The following OPCML variants were observed in gnomAD, a reference collection of about 807,000 sequenced individuals.
OPCML encodes the protein opioid-binding protein/cell adhesion molecule.
Under a neutral mutation model 37.8 loss-of-function variants are expected in OPCML, and 13 were observed. That is an observed-to-expected ratio of 0.34 (90% CI 0.22 to 0.55). The LOEUF (loss-of-function observed/expected upper bound fraction) is 0.55, where lower values mean the gene tolerates loss of function less well. Among genes scored for constraint, OPCML ranks in the 20% least tolerant of loss-of-function variants. The pLI is 0.91. For missense variants in OPCML, 341 were observed against 435.6 expected, an observed-to-expected ratio of 0.78 and a Z score of 1.93; for synonymous variants, 176 against 168.8, an observed-to-expected ratio of 1.04 and a Z score of -0.33.
At chr11:132,436,308 C>T in intron 6 of OPCML, 71 bp from the exon 7 acceptor site, 1 of 1,609,794 alleles carries the variant, frequency 6.2e-7, no homozygotes, top group Non-Finnish European at 8.5e-7. Flanking sequence ...ACTCTTTTCT[C>T]CAACTAATCT....
At position 132,836,386 on chromosome 11, in the gene OPCML, G is replaced by A. The variant is rs557551485; in HGVS notation, c.146+106540C>T. 2.0e-5 allele frequency among the ~76,000 whole-genome samples: 3 copies of A among 152,304 alleles called. No individual in the cohort carries two copies. The South Asian group carries it at 6.2e-4, about 32-fold the overall frequency. ...CATGAGCCAGCTCTAGTAGCCCGGT[G>A]TGACTTCCGTCCCCTCAGGATTCTC... On this transcript the variant is annotated intron_variant, in intron 2 of 7. Coordinates refer to ENST00000524381, the MANE Select transcript of OPCML (RefSeq NM_001012393.5).
intron 2 of OPCML, among the ~76,000 whole-genome samples, chr11:132,764,373 A>G (rs1946368788): frequency 6.6e-6 from 1 of 152,062 alleles, no homozygotes; most frequent in African/African-American, 2.4e-5. Flanking sequence ...TACTCATCCT[A>G]CCTGCTGGGG....
chr11:132,777,055 C>T (rs1051853254), intron 2 of OPCML, among the ~76,000 whole-genome samples: 1 of 152,202 alleles, frequency 6.6e-6, no homozygotes, highest in Admixed American at 6.5e-5. Flanking sequence ...CATGCACCAT[C>T]ACCAAAGGAG....
intron 2 of OPCML, among the ~76,000 whole-genome samples, chr11:132,682,311 G>A (rs1440135133): frequency 1.3e-5 from 2 of 152,104 alleles, no homozygotes; most frequent in African/African-American, 2.4e-5. Flanking sequence ...CTAATAAAAG[G>A]CAGCAAAGAC....
At chr11:132,480,529 A>G (rs1193782251) in intron 4 of OPCML, among the ~76,000 whole-genome samples, 1 of 152,194 alleles carries the variant, frequency 6.6e-6, no homozygotes, top group East Asian at 1.9e-4. Context: ...CACCACAAAG[A>G]TACTCCTTGA....
Position 133,212,751 on chromosome 11 carries a change from TGAAGG to T in OPCML, c.62-269746_62-269742del, listed in dbSNP as rs1256039124. Among the ~76,000 whole-genome samples the T allele has an allele frequency of 1.3e-5, 2 of 152,202 alleles. No homozygotes were observed. The highest frequency in any genetic ancestry group is 2.9e-5 in the Non-Finnish European group (2 of 68,042). ...TCGCTTAGAATAGTGTTTGAATGAATGAAGGGATTTCCCAGCAGCTTTCAGACCCC... is the reference window on the plus strand; with the variant it reads ...TCGCTTAGAATAGTGTTTGAATGAATGATTTCCCAGCAGCTTTCAGACCCC... On this transcript the variant is annotated intron_variant, in intron 1 of 7. Transcript: ENST00000524381. The surrounding 1 kb of genome is among the most constrained non-coding windows in gnomAD (Gnocchi z 4.9).
At chr11:133,270,409 G>A (rs958837295) in intron 1 of OPCML, among the ~76,000 whole-genome samples, 1 of 152,090 alleles carries the variant, frequency 6.6e-6, no homozygotes, top group African/African-American at 2.4e-5. Context: ...AAATGAGAAG[G>A]CTAGACAAAT....
At chr11:132,976,615 A>T (rs1946470806) in intron 1 of OPCML, among the ~76,000 whole-genome samples, 1 of 152,206 alleles carries the variant, frequency 6.6e-6, no homozygotes, top group Non-Finnish European at 1.5e-5. Flanking sequence ...AGAGTTTCTG[A>T]TTTAATGCAG....
chr11:132,505,510 T>C lies in OPCML; in HGVS notation c.505+23551A>G, dbSNP rs1253531644. On this transcript the variant is annotated intron_variant, in intron 4 of 7. Transcript: ENST00000524381. ...GTACAGCCTTCAGGAAAAGGCTGCT[T>C]AAGGGGCAAAAGATGGAAAAGAATG... Among the ~76,000 whole-genome samples the C allele has an allele frequency of 4.0e-5, 6 of 150,568 alleles. No homozygotes were observed. In the East Asian group the frequency reaches 5.8e-4, roughly 15 times the overall value.
At chr11:133,006,627 G>A (rs1947118760) in intron 1 of OPCML, 1 of 985,324 alleles carries the variant, frequency 1.0e-6, no homozygotes, top group Non-Finnish European at 1.2e-6. Flanking sequence ...CCAGAACTAT[G>A]TGAAACTCAC....
intron 7 of OPCML, among the ~76,000 whole-genome samples, chr11:132,421,896 T>C (rs1008677493): frequency 6.6e-6 from 1 of 152,174 alleles, no homozygotes; most frequent in Admixed American, 6.5e-5. Flanking sequence ...AAGGTAATTC[T>C]CTACATATTG....
At chr11:132,477,922 G>C (rs1453869692) in intron 4 of OPCML, among the ~76,000 whole-genome samples, 2 of 152,208 alleles carry the variant, frequency 1.3e-5, no homozygotes, top group South Asian at 2.1e-4. Context: ...ATATCTAAAA[G>C]GGAAATACTT....
At position 133,249,467 on chromosome 11, in the gene OPCML, T is replaced by C. The variant is rs181882437; in HGVS notation, c.61+282797A>G. Among the ~76,000 whole-genome samples, 4 of 152,248 alleles carry C rather than the reference T, an allele frequency of 2.6e-5. No individual in the cohort carries two copies. In the East Asian group the frequency reaches 7.7e-4, roughly 29 times the overall value. On this transcript the variant is annotated intron_variant, in intron 1 of 7. Transcript: ENST00000524381. ...CAGGCCCCACCTCCAACATTGCGGATCAAATTTCAACTTGAGGTTTGGAGG... is the reference window on the plus strand; with the variant it reads ...CAGGCCCCACCTCCAACATTGCGGACCAAATTTCAACTTGAGGTTTGGAGG...
chr11:133,154,893 A>G (rs961628885), intron 1 of OPCML, among the ~76,000 whole-genome samples: 3 of 152,154 alleles, frequency 2.0e-5, no homozygotes, highest in Non-Finnish European at 4.4e-5. Flanking sequence ...CTTGAATTGC[A>G]ATTTTTCTTA....
intron 1 of OPCML, among the ~76,000 whole-genome samples, chr11:133,377,804 G>A (rs181254758): frequency 7.0e-4 from 107 of 152,146 alleles, no homozygotes; most frequent in Middle Eastern, 6.9e-3. Flanking sequence ...CACCTAGTGC[G>A]GGTCCTGTTT....
At chr11:132,884,054 C>T (rs2136437737) in intron 2 of OPCML, among the ~76,000 whole-genome samples, 1 of 152,244 alleles carries the variant, frequency 6.6e-6, no homozygotes, top group Middle Eastern at 3.4e-3. Flanking sequence ...TGGAAGGCAT[C>T]TTAAAAATCA....
chr11:133,501,306 C>T (rs554767555), intron 1 of OPCML, among the ~76,000 whole-genome samples: 4 of 152,260 alleles, frequency 2.6e-5, no homozygotes, highest in African/African-American at 7.2e-5. Context: ...CGGTACAGTG[C>T]GGCTAGTGAA....
chr11:133,420,580 A>T (rs1945866630), intron 1 of OPCML: 2 of 984,738 alleles, frequency 2.0e-6, no homozygotes, highest in Admixed American at 6.2e-5. Context: ...TCCCTCATTA[A>T]CACTGAAACA....
chr11:133,051,062 C>T (rs918811683), intron 1 of OPCML, among the ~76,000 whole-genome samples: 31 of 150,820 alleles, frequency 2.1e-4, no homozygotes, highest in Non-Finnish European at 1.5e-4. Context: ...TGTACATACA[C>T]ACACACACAC....
Sources: gnomAD v4.1 joint callset for allele counts (sites outside exome capture counted in the v4.1 genomes callset) on GRCh38, gnomAD v4.1.1 for gene constraint, Gnocchi (gnomAD v3.1) non-coding constraint, MANE v1.5 for transcripts, NCBI Gene and HGNC (gene_info 2026-07-23, HGNC 2026-07-21) for gene names.